The following CANX variants were observed in gnomAD, a reference collection of about 807,000 sequenced individuals.
CANX encodes the protein calnexin.
A neutral mutation model predicts 75.7 loss-of-function variants in CANX; 14 were observed. The observed-to-expected ratio is 0.19, with a 90% CI of 0.12 to 0.29. The LOEUF (loss-of-function observed/expected upper bound fraction) is 0.29, where lower values mean the gene tolerates loss of function less well. Among genes scored for constraint, CANX ranks in the 10% least tolerant of loss-of-function variants. The pLI is 1.00. For synonymous variants in CANX, 227 were observed against 236.9 expected (o/e 0.96, Z 0.38); for missense variants, 567 against 713.2 (o/e 0.79, Z 2.34).
intron 13 of CANX, among the ~76,000 whole-genome samples, chr5:179,725,105 C>T (rs12656648): frequency 5.3e-5 from 8 of 152,094 alleles, no homozygotes; most frequent in Non-Finnish European, 8.8e-5. Context: ...TCACTGCAGC[C>T]TTGACCTTAT....
In CANX at chr5:179,726,148, C is replaced by A. The variant is rs190991458; in HGVS notation, c.1646-532C>A. ...ACTAAAAATACAAAAATTAGCCAGG[C>A]GTGGTGGTGGGCACCTGTAATCCCG... On this transcript the variant is annotated intron_variant, in intron 13 of 14. Transcript: ENST00000247461. 1.8e-3 allele frequency among the ~76,000 whole-genome samples: 279 copies of A among 151,462 alleles called. 1 individual carries two copies. Among genetic ancestry groups the A allele is most frequent in the African/African-American group, 6.1e-3 (251 of 41,226 alleles).
At chr5:179,681,815 G>GCTCA (rs1776070687) in intron 1 of CANX, among the ~76,000 whole-genome samples, 1 of 152,084 alleles carries the variant, frequency 6.6e-6, no homozygotes, top group Non-Finnish European at 1.5e-5. Context: ...GGGCGTGGTG[G>GCTCA]CATGCGACTG....
chr5:179,692,885 G>A (rs1279437236), intron 1 of CANX, among the ~76,000 whole-genome samples: 2 of 152,044 alleles, frequency 1.3e-5, no homozygotes, highest in African/African-American at 2.4e-5. Flanking sequence ...GGTGGCTCAC[G>A]CCTGTAATCC....
chr5:179,682,499 T>C (rs1020977388), intron 1 of CANX, among the ~76,000 whole-genome samples: 1 of 151,460 alleles, frequency 6.6e-6, no homozygotes, highest in African/African-American at 2.4e-5. Context: ...TCACCTGAGG[T>C]TGGGAGTTTG....
Position 179,706,348 on chromosome 5 carries a change from G to A in CANX, c.245+17G>A. 2 of 1,389,414 alleles carry A rather than the reference G, an allele frequency of 1.4e-6. No homozygotes were observed. Among genetic ancestry groups the A allele is most frequent in the Non-Finnish European group, 2.0e-6 (2 of 983,118 alleles). 86.1% of individuals were successfully genotyped at this position (1,389,414 alleles called of 1,614,324 possible). Reference sequence around the variant, plus strand: ...TCTGTCAGGGTAAGTGTTTTCCAGAGAAATATATGTTAGAGGCAGACATGT... The same window carrying A: ...TCTGTCAGGGTAAGTGTTTTCCAGAAAAATATATGTTAGAGGCAGACATGT... On this transcript the variant is annotated intron_variant, in intron 3 of 14. Coordinates refer to ENST00000247461, the MANE Select transcript of CANX (RefSeq NM_001746.4).
At chr5:179,722,709 C>T in intron 10 of CANX, 95 bp from the exon 11 acceptor site, 1 of 739,022 alleles carries the variant, frequency 1.4e-6, no homozygotes, top group South Asian at 1.8e-5. Flanking sequence ...GCATTTCTCT[C>T]CATTGTTCAT....
chr5:179,710,946 C>G (rs1348007144), intron 7 of CANX, among the ~76,000 whole-genome samples: 1 of 151,660 alleles, frequency 6.6e-6, no homozygotes, highest in East Asian at 2.0e-4. Context: ...ATCCTAGCTA[C>G]TCGGGAGGCT....
intron 7 of CANX, among the ~76,000 whole-genome samples, chr5:179,712,423 C>G (rs1256997786): frequency 7.5e-6 from 1 of 133,512 alleles, no homozygotes; most frequent in Non-Finnish European, 1.7e-5. Context: ...ATATAATAAC[C>G]TTTTTTTTTT....
At chr5:179,697,455 C>T (rs1042793577), upstream of CANX, among the ~76,000 whole-genome samples, 1 of 152,186 alleles carries the variant, frequency 6.6e-6, no homozygotes, top group African/African-American at 2.4e-5. Context: ...AGTCTTTTGG[C>T]ACTTACCTTT....
At chr5:179,714,603 C>T (rs757273760) in intron 7 of CANX, among the ~76,000 whole-genome samples, 16 of 151,476 alleles carry the variant, frequency 1.1e-4, no homozygotes, top group African/African-American at 1.7e-4. Flanking sequence ...GTGCAAACTC[C>T]GCCTCCCGGG....
chr5:179,722,980 TG>T lies in CANX; in HGVS notation c.1361del (p.Gly454AspfsTer4). ...GAATAGTTGATGATTGGGCCAATGA[TG>T]GATGGGGCCTGAAGAAAGCTGCTGA... ...RRIVDDWAND[G>X]WGLKKAADGA... On this transcript the variant is annotated frameshift_variant, in exon 11 of 15. Transcript: ENST00000247461. LOFTEE classifies it high-confidence loss of function. 1 of 1,614,176 alleles carries T rather than the reference TG, an allele frequency of 6.2e-7. No individual in the cohort carries two copies. The highest frequency in any genetic ancestry group is 8.5e-7 in the Non-Finnish European group (1 of 1,180,024).
intron 10 of CANX, 67 bp downstream of exon 10, chr5:179,720,627 A>C: frequency 7.0e-7 from 1 of 1,425,678 alleles, no homozygotes; most frequent in South Asian, 1.2e-5. Context: ...AGTTTTATCT[A>C]GAGTAAGGCT....
At chr5:179,692,095 GACAAAGT>G (rs1776308488) in intron 1 of CANX, among the ~76,000 whole-genome samples, 1 of 144,866 alleles carries the variant, frequency 6.9e-6, no homozygotes, top group Admixed American at 7.0e-5. Flanking sequence ...TTTTTTTTGA[GACAAAGT>G]CTCGCTCTGT....
intron 1 of CANX, among the ~76,000 whole-genome samples, chr5:179,703,443 C>G (rs1400012728): frequency 1.3e-5 from 2 of 151,566 alleles, no homozygotes; most frequent in Non-Finnish European, 2.9e-5. Context: ...GTCTCCTGAG[C>G]TCAGGCAGTC....
intron 1 of CANX, among the ~76,000 whole-genome samples, chr5:179,685,229 C>G (rs1320725775): frequency 1.3e-5 from 2 of 151,664 alleles, no homozygotes; most frequent in African/African-American, 4.8e-5. Flanking sequence ...CTCCTGAGTA[C>G]TTGGGATTAC....
rs545504344 is a variant in CANX, at chr5:179,692,345, G to A, written c.-3-13334G>A. On this transcript the variant is annotated intron_variant, in intron 1 of 14. Transcript: ENST00000681674. The stretch of plus-strand genomic sequence containing the variant: ...CCATCTCGGTCTCCCAAAGTGCTGG[G>A]ATTACAGGCATGAGCCGCTATGCCT... Among the ~76,000 whole-genome samples, 15 of 151,878 alleles carry A rather than the reference G, an allele frequency of 9.9e-5. No homozygotes were observed. In the South Asian group the frequency reaches 2.3e-3, roughly 23 times the overall value.
intron 8 of CANX, among the ~76,000 whole-genome samples, chr5:179,718,728 A>G (rs1778123309): frequency 3.9e-5 from 6 of 151,970 alleles, no homozygotes; most frequent in Admixed American, 3.3e-4. Flanking sequence ...GGGTTTCTCC[A>G]TGTTGGTCAG....
At chr5:179,718,963 C>A (rs1312078015) in intron 8 of CANX, among the ~76,000 whole-genome samples, 1 of 151,230 alleles carries the variant, frequency 6.6e-6, no homozygotes, top group African/African-American at 2.4e-5. Context: ...CCGCACCTGG[C>A]CTTGTGTATT....
At chr5:179,705,998 T>G (rs1484611830) in intron 2 of CANX, 146 bp downstream of exon 2, 1 of 653,000 alleles carries the variant, frequency 1.5e-6, no homozygotes, top group Non-Finnish European at 2.7e-6. Flanking sequence ...CAGGGAGATA[T>G]CATCTCTAAT....
Sources: allele counts gnomAD v4.1 joint callset (sites outside exome capture counted in the v4.1 genomes callset), GRCh38; gene constraint gnomAD v4.1.1; transcripts MANE v1.5; gene names NCBI Gene and HGNC (gene_info 2026-07-23, HGNC 2026-07-21).